Variants in PNPO observed in about 807,000 individuals in gnomAD.
PNPO encodes the protein pyridoxine-5'-phosphate oxidase.
Under a neutral mutation model 35.0 loss-of-function variants are expected in PNPO, and 39 were observed. That is an observed-to-expected ratio of 1.11 (90% CI 0.86 to 1.45). The LOEUF is 1.45. Ranked by LOEUF, PNPO falls within the 40% of genes most tolerant of loss-of-function variation. The pLI is 0.00. For missense variants in PNPO, 288 were observed against 340.0 expected (o/e 0.85, Z 1.20); for synonymous variants, 115 against 119.8 (o/e 0.96, Z 0.26).
chr17:47,941,880 C>T, intron 1 of PNPO, 67 bp downstream of exon 1: 1 of 1,486,370 alleles, frequency 6.7e-7, no homozygotes. Flanking sequence ...TCATCTACAG[C>T]GGGGAGGGGA....
rs1307458334 is a variant in PNPO at position 47,946,900 on chromosome 17, C to CA, written c.*119dup. 8 of 870,686 alleles carry CA rather than the reference C, an allele frequency of 9.2e-6. No homozygotes were observed. The highest frequency in any genetic ancestry group is 1.3e-5 in the Non-Finnish European group (7 of 540,962). 53.9% of individuals were successfully genotyped at this position (870,686 alleles called of 1,614,324 possible). On this transcript the variant is annotated 3_prime_UTR_variant, in exon 7 of 7. Coordinates refer to ENST00000642017, the MANE Select transcript of PNPO (RefSeq NM_018129.4). ...CATTTCCCTCCCTACCCCTTATCTT[C>CA]AGGACTCTTCAGAGCTAATCCTCTA... is the stretch of plus-strand genomic sequence containing the variant.
In PNPO at chr17:47,945,521, GTCCTGATGGCTGGCTGTGGA is replaced by G; in HGVS notation, c.364-36_364-17del. 1 of 1,584,206 alleles carries G rather than the reference GTCCTGATGGCTGGCTGTGGA, an allele frequency of 6.3e-7. No individual in the cohort carries two copies. Among genetic ancestry groups the G allele is most frequent in the Non-Finnish European group, 8.7e-7 (1 of 1,152,916 alleles). On this transcript the variant is annotated intron_variant, in intron 3 of 6. Transcript: ENST00000642017. The surrounding 1 kb of genome is among the most constrained non-coding windows in gnomAD (Gnocchi z 4.0). The stretch of plus-strand genomic sequence containing the variant: ...TGCATGCCGGAGGCCTCCTCTCCCT[GTCCTGATGGCTGGCTGTGGA>G]TTCTCTTTTACTTCTAGGACTCTAA...
chr17:47,944,207 G>GTT (rs916783740), intron 2 of PNPO, among the ~76,000 whole-genome samples: 3 of 140,684 alleles, frequency 2.1e-5, no homozygotes, highest in African/African-American at 9.6e-5. Context: ...TTTCGTGTGT[G>GTT]TGTGTGTGTG....
At position 47,949,103 on chromosome 17, in the gene PNPO, C is replaced by T. The variant is rs2036043539; in HGVS notation, c.*2321C>T. On this transcript the variant is annotated 3_prime_UTR_variant, in exon 7 of 7. Coordinates refer to ENST00000642017, the MANE Select transcript of PNPO (RefSeq NM_018129.4). Reference sequence around the variant, plus strand: ...TGTTGGGTGCCCTTACCTACCTTGCCCTTTTTCTTGTACCGTAGGCTGTGC... The same window carrying T: ...TGTTGGGTGCCCTTACCTACCTTGCTCTTTTTCTTGTACCGTAGGCTGTGC... 6.6e-6 allele frequency: 1 copy of T among 152,406 alleles called. No homozygotes were observed. Among genetic ancestry groups the T allele is most frequent in the African/African-American group, 2.4e-5 (1 of 41,450 alleles). 9.4% of individuals were successfully genotyped at this position (152,406 alleles called of 1,614,324 possible). A position where few individuals can be genotyped will look rare whatever the true frequency, so the allele number is the denominator to read the frequency against.
chr17:47,944,782 C>T (rs1479686078), intron 3 of PNPO, 67 bp downstream of exon 3: 17 of 1,218,914 alleles, frequency 1.4e-5, no homozygotes, highest in Middle Eastern at 1.9e-4. Flanking sequence ...CCTCAGTCAC[C>T]TTCTTATGCC....
In PNPO at chr17:47,943,428, C is replaced by T; in HGVS notation, c.261C>T (p.Thr87=). 6.2e-7 allele frequency: 1 copy of T among 1,613,528 alleles called. No individual in the cohort carries two copies. Among genetic ancestry groups the T allele is most frequent in the African/African-American group, 1.3e-5 (1 of 75,014 alleles). The change falls in exon 2 of 7, where the codon ACC becomes ACT. Residue 87 remains threonine, a splice_region_variant and synonymous_variant. Transcript: ENST00000642017. ...EANAMCLATC[T]RDGKPSARML... is the part of the protein sequence containing the mutation. The stretch of plus-strand genomic sequence containing the variant: ...ATGCCATGTGTCTGGCTACCTGCAC[C>T]AGGTGGGCATGGCTGTGGGCCCCTC...
intron 6 of PNPO, 68 bp from the exon 7 acceptor site, chr17:47,946,539 ATGAGGGG>A: frequency 6.6e-7 from 1 of 1,524,866 alleles, no homozygotes; most frequent in Non-Finnish European, 9.1e-7. Context: ...AGGCCCTGGG[ATGAGGGG>A]TGAGGGTGGG....
At position 47,944,594 on chromosome 17, in the gene PNPO, GTGCTC is replaced by G. The variant is rs1344647314; in HGVS notation, c.264-15_264-11del. The G allele has an allele frequency of 6.3e-7, 1 of 1,580,468 alleles. No homozygotes were observed. Among genetic ancestry groups the G allele is most frequent in the Admixed American group, 1.7e-5 (1 of 59,982 alleles). ...AACATTGAAGCAGACTCTGACCACAGTGCTCTGCTCTTTGCTCCTAGAGATGGAAA... is the reference window on the plus strand; with the variant it reads ...AACATTGAAGCAGACTCTGACCACAGTGCTCTTTGCTCCTAGAGATGGAAA... On this transcript the variant is annotated splice_polypyrimidine_tract_variant and intron_variant, in intron 2 of 6. Coordinates refer to ENST00000642017, the MANE Select transcript of PNPO (RefSeq NM_018129.4).
chr17:47,946,433 G>A, intron 6 of PNPO, 40 bp downstream of exon 6: 1 of 1,525,794 alleles, frequency 6.6e-7, no homozygotes, highest in Non-Finnish European at 9.1e-7. Flanking sequence ...GGGACACCAG[G>A]CCCCTGTGTT....
Position 47,946,942 on chromosome 17 carries a change from T to C in PNPO, c.*160T>C, listed in dbSNP as rs978080803. The C allele has an allele frequency of 1.1e-5, 7 of 655,322 alleles. No homozygotes were observed. Among genetic ancestry groups the C allele is most frequent in the Non-Finnish European group, 1.9e-5 (7 of 375,884 alleles). The allele number at this position is 655,322 out of a possible 1,614,324, so 40.6% of individuals were successfully genotyped here. On this transcript the variant is annotated 3_prime_UTR_variant, in exon 7 of 7. Coordinates refer to ENST00000642017, the MANE Select transcript of PNPO (RefSeq NM_018129.4). ...AATCCTCTAAGTTCTCTGTACTCAG[T>C]TGGTTCTCAGTTAGCTGGTCAAGTG... is the stretch of plus-strand genomic sequence containing the variant.
chr17:47,941,847 C>T (rs2035940691), intron 1 of PNPO, 34 bp downstream of exon 1: 3 of 1,538,246 alleles, frequency 2.0e-6, no homozygotes, highest in Non-Finnish European at 2.6e-6. Flanking sequence ...CCTGCAGGGG[C>T]GGGGGAAAAG....
rs2035967211 is a variant in PNPO at position 47,943,318 on chromosome 17, A to G, written c.151A>G (p.Thr51Ala). The change falls in exon 2 of 7, where the codon ACT (threonine) becomes GCT (alanine). Residue 51 changes from threonine to alanine, a missense_variant. Transcript: ENST00000642017. ...TCTCCTTTCCTAGGCATTTGAGGAGACTCATCTGACCTCCCTTGACCCAGT... is the reference window on the plus strand; with the variant it reads ...TCTCCTTTCCTAGGCATTTGAGGAGGCTCATCTGACCTCCCTTGACCCAGT... ...YRGDREAFEE[T>A]HLTSLDPVKQ... 5.0e-6 allele frequency: 8 copies of G among 1,613,392 alleles called. No individual in the cohort carries two copies. The South Asian group carries it at 8.8e-5, about 18-fold the overall frequency.
At position 47,947,711 on chromosome 17, in the gene PNPO, T is replaced by G. The variant is rs1403975647; in HGVS notation, c.*929T>G. 1 of 152,088 alleles carries G rather than the reference T, an allele frequency of 6.6e-6. No homozygotes were observed. The highest frequency in any genetic ancestry group is 1.5e-5 in the Non-Finnish European group (1 of 68,032). The allele number at this position is 152,088 out of a possible 1,614,324, so 9.4% of individuals were successfully genotyped here. A position where few individuals can be genotyped will look rare whatever the true frequency, so the allele number is the denominator to read the frequency against. On this transcript the variant is annotated 3_prime_UTR_variant, in exon 7 of 7. Transcript: ENST00000642017. ...ACCCAACTAATTTTTGTATTTTTAG[T>G]AGAGATGGGGTTTCACCATGTTGGC...
At position 47,945,580 on chromosome 17, in the gene PNPO, C is replaced by G. The variant is rs891457932; in HGVS notation, c.385C>G (p.Leu129Val). The G allele has an allele frequency of 6.2e-7, 1 of 1,613,462 alleles. No individual in the cohort carries two copies. The highest frequency in any genetic ancestry group is 1.3e-5 in the African/African-American group (1 of 74,900). ...KELDSNPFAS[L>V]VFYWEPLNRQ... The stretch of plus-strand genomic sequence containing the variant: ...CTAGGACTCTAATCCCTTTGCTTCC[C>G]TTGTCTTCTACTGGGAGCCACTTAA... The change falls in exon 4 of 7, where the codon CTT becomes GTT. Residue 129 changes from leucine to valine, a missense_variant. Coordinates refer to ENST00000642017, the MANE Select transcript of PNPO (RefSeq NM_018129.4). This position sits in a 1 kb window ranked among gnomAD's most constrained non-coding sequence, Gnocchi z 4.0.
chr17:47,943,243 C>T (rs2035965612), intron 1 of PNPO, 63 bp from the exon 2 acceptor site: 10 of 1,353,136 alleles, frequency 7.4e-6, no homozygotes, highest in Non-Finnish European at 9.4e-6. Flanking sequence ...GTGACTAGAA[C>T]AGTGCCAGGT....
At chr17:47,946,480 C>A in intron 6 of PNPO, 87 bp downstream of exon 6, 2 of 1,390,928 alleles carry the variant, frequency 1.4e-6, no homozygotes, top group Non-Finnish European at 2.0e-6. Context: ...CACAGATCTC[C>A]TCCTCCCTGG....
At position 47,947,028 on chromosome 17, in the gene PNPO, C is replaced by A; in HGVS notation, c.*246C>A. 1.9e-6 allele frequency: 1 copy of A among 527,944 alleles called. No individual in the cohort carries two copies. The highest frequency in any genetic ancestry group is 3.4e-6 in the Non-Finnish European group (1 of 292,574). The allele number at this position is 527,944 out of a possible 1,614,324, so 32.7% of individuals were successfully genotyped here. A position where few individuals can be genotyped will look rare whatever the true frequency, so the allele number is the denominator to read the frequency against. Reference sequence around the variant, plus strand: ...AATAATTCCATAATTATTTTTTTGACCTTGCCTATGATTGATTAGGATAGC... The same window carrying A: ...AATAATTCCATAATTATTTTTTTGAACTTGCCTATGATTGATTAGGATAGC... On this transcript the variant is annotated 3_prime_UTR_variant, in exon 7 of 7. Transcript: ENST00000642017.
In PNPO at chr17:47,947,425, CT is replaced by C. The variant is rs35312568; in HGVS notation, c.*657del. On this transcript the variant is annotated 3_prime_UTR_variant, in exon 7 of 7. Transcript: ENST00000642017. ...CTATCTCTGTAAAGTCTCTCTCTCT[CT>C]TTTTTTTTTTTTTACTTAATCTAGC... 144 of 141,782 alleles carry C rather than the reference CT, an allele frequency of 1.0e-3. No homozygotes were observed. The highest frequency in any genetic ancestry group is 1.2e-3 in the Non-Finnish European group (81 of 65,026). 8.8% of individuals were successfully genotyped at this position (141,782 alleles called of 1,614,324 possible). A position where few individuals can be genotyped will look rare whatever the true frequency, so the allele number is the denominator to read the frequency against.
chr17:47,941,633 C>T lies in PNPO; in HGVS notation c.-43C>T, dbSNP rs1341765391. 6 of 1,504,268 alleles carry T rather than the reference C, an allele frequency of 4.0e-6. No individual in the cohort carries two copies. The highest frequency in any genetic ancestry group is 1.2e-5 in the South Asian group (1 of 81,018). 93.2% of individuals were successfully genotyped at this position (1,504,268 alleles called of 1,614,324 possible). On this transcript the variant is annotated 5_prime_UTR_variant, in exon 1 of 7. Coordinates refer to ENST00000642017, the MANE Select transcript of PNPO (RefSeq NM_018129.4). ...AAATTGGTTCCGAACTCAAAGGAACCCAGTGCCGGGCCACAGCCGGGTCAC... is the reference window on the plus strand; with the variant it reads ...AAATTGGTTCCGAACTCAAAGGAACTCAGTGCCGGGCCACAGCCGGGTCAC...
Sources: allele counts gnomAD v4.1 joint callset (sites outside exome capture counted in the v4.1 genomes callset), GRCh38; gene constraint gnomAD v4.1.1; non-coding constraint Gnocchi (gnomAD v3.1); transcripts MANE v1.5; gene names NCBI Gene and HGNC (gene_info 2026-07-23, HGNC 2026-07-21).